Variants in TYMS observed in about 807,000 individuals in gnomAD.
TYMS encodes thymidylate synthase.
In TYMS, 21 loss-of-function variants were observed where a neutral mutation model predicts 39.3. That is an observed-to-expected ratio of 0.54 (90% CI 0.38 to 0.77). The LOEUF (loss-of-function observed/expected upper bound fraction) is 0.77. Among genes scored for constraint, TYMS ranks in the 30% least tolerant of loss-of-function variants. TYMS has a pLI of 0.00. For synonymous variants in TYMS, 171 were observed against 162.2 expected, an observed-to-expected ratio of 1.05 and a Z score of -0.41; for missense variants, 273 against 406.7, an observed-to-expected ratio of 0.67 and a Z score of 2.83.
intron 3 of TYMS, 21 bp downstream of exon 3, chr18:662,341 C>A: frequency 6.3e-7 from 1 of 1,578,902 alleles, no homozygotes; most frequent in Non-Finnish European, 8.6e-7. Context: ...AGAACAATGC[C>A]TTCCATTTCC....
rs1339336002 is a variant in TYMS at position 658,658 on chromosome 18, A to G, written c.205+711A>G. On this transcript the variant is annotated intron_variant, in intron 1 of 6. Transcript: ENST00000323274. The surrounding 1 kb of genome is among the most constrained non-coding windows in gnomAD (Gnocchi z 4.5). ...CAGTGGGGCGGGGCGGGGTGGGCACAGGACGTTAGGCAGCCGTTGGCCCTC... is the reference window on the plus strand; with the variant it reads ...CAGTGGGGCGGGGCGGGGTGGGCACGGGACGTTAGGCAGCCGTTGGCCCTC... 7 of 278,592 alleles carry G rather than the reference A, an allele frequency of 2.5e-5. No individual in the cohort carries two copies. Among genetic ancestry groups the G allele is most frequent in the Non-Finnish European group, 4.9e-5 (7 of 143,872 alleles). The allele number at this position is 278,592 out of a possible 1,614,324, so 17.3% of individuals were successfully genotyped here. A position where few individuals can be genotyped will look rare whatever the true frequency, so the allele number is the denominator to read the frequency against.
At chr18:667,131 AGATGGTGATGGTGATGGTGATGGT>A (rs1179372941) in intron 3 of TYMS, among the ~76,000 whole-genome samples, 1 of 34,742 alleles carries the variant, frequency 2.9e-5, no homozygotes, top group Non-Finnish European at 4.8e-5. Context: ...ATGGTGATGG[AGATGGTGATGGTGATGGTGATGGT>A]GATGGAGATG....
chr18:666,891 AGATGGTGATGGAGATGGTGATGGT>A lies in TYMS; in HGVS notation c.455-2175_455-2152del, dbSNP rs2074825985. 9.6e-5 allele frequency among the ~76,000 whole-genome samples: 6 copies of A among 62,186 alleles called. 1 individual carries two copies. Among genetic ancestry groups the A allele is most frequent in the African/African-American group, 5.6e-4 (6 of 10,694 alleles). 40.8% of individuals were successfully genotyped at this position (62,186 alleles called of 152,430 possible). A position where few individuals can be genotyped will look rare whatever the true frequency, so the allele number is the denominator to read the frequency against. On this transcript the variant is annotated intron_variant, in intron 3 of 6. Coordinates refer to ENST00000323274, the MANE Select transcript of TYMS (RefSeq NM_001071.4). ...GTTAGGGATGACGAAAAAGTTCGGG[AGATGGTGATGGAGATGGTGATGGT>A]GATGGAGATGGTGATGGTGATGGAG...
In TYMS at chr18:660,019, G is replaced by A. The variant is rs542331933; in HGVS notation, c.279+305G>A. ...CGAGGCGGAGGTTGTAGTGAGCTGA[G>A]ATCGTGGCACTGTACTCCAGCCTGG... On this transcript the variant is annotated intron_variant, in intron 2 of 6. Transcript: ENST00000323274. This position sits in a 1 kb window ranked among gnomAD's most constrained non-coding sequence, Gnocchi z 4.6. Among the ~76,000 whole-genome samples, 1 of 152,316 alleles carries A rather than the reference G, an allele frequency of 6.6e-6. No individual in the cohort carries two copies. The highest frequency in any genetic ancestry group is 2.1e-4 in the South Asian group (1 of 4,832).
At chr18:671,356 C>G in intron 5 of TYMS, 24 bp from the exon 6 acceptor site, 1 of 1,496,400 alleles carries the variant, frequency 6.7e-7, no homozygotes, top group Non-Finnish European at 9.3e-7. Context: ...ACATACTGTT[C>G]TGCTTTCTCC....
intron 3 of TYMS, among the ~76,000 whole-genome samples, chr18:667,549 ATGGAGATGGTGATGGTGATGGAGATGGT>A (rs1193597034): frequency 1.1e-5 from 1 of 87,016 alleles, no homozygotes; most frequent in East Asian, 4.6e-4. Context: ...GGTGATGGTG[ATGGAGATGGTGATGGTGATGGAGATGGT>A]GATGGTGATG....
chr18:669,047 T>C (rs1482237236), intron 3 of TYMS, 25 bp from the exon 4 acceptor site: 1 of 1,581,804 alleles, frequency 6.3e-7, no homozygotes, highest in African/African-American at 1.3e-5. Flanking sequence ...TATGTACCTG[T>C]CCTCTCTTTT....
chr18:660,916 G>T lies in TYMS; in HGVS notation c.279+1202G>T, dbSNP rs2074750084. On this transcript the variant is annotated intron_variant, in intron 2 of 6. Coordinates refer to ENST00000323274, the MANE Select transcript of TYMS (RefSeq NM_001071.4). This position sits in a 1 kb window ranked among gnomAD's most constrained non-coding sequence, Gnocchi z 4.6. ...GCCCTCTTATCCCATTTTAGAAAGG[G>T]CTTCAATTTGGATCCAGCCCCAGGT... 6.6e-6 allele frequency among the ~76,000 whole-genome samples: 1 copy of T among 152,156 alleles called. No individual in the cohort carries two copies. Among genetic ancestry groups the T allele is most frequent in the Non-Finnish European group, 1.5e-5 (1 of 68,030 alleles).
At chr18:666,999 AGATGGT>A (rs1176133296) in intron 3 of TYMS, among the ~76,000 whole-genome samples, 1 of 6,720 alleles carries the variant, frequency 1.5e-4, no homozygotes. Context: ...ATGGTGATGG[AGATGGT>A]GATGGTGATG....
intron 3 of TYMS, among the ~76,000 whole-genome samples, chr18:667,101 AGATGGAGATGGTGATGGTGATGGT>A (rs1567990010): frequency 3.3e-4 from 6 of 18,280 alleles, no homozygotes; most frequent in Non-Finnish European, 5.0e-4. Flanking sequence ...ATGGAGATGG[AGATGGAGATGGTGATGGTGATGGT>A]GATGGAGATG....
At position 658,328 on chromosome 18, in the gene TYMS, T is replaced by C. The variant is rs2074715678; in HGVS notation, c.205+381T>C. On this transcript the variant is annotated intron_variant, in intron 1 of 6. Transcript: ENST00000323274. The surrounding 1 kb of genome is among the most constrained non-coding windows in gnomAD (Gnocchi z 4.5). ...CGCGCCGGTCTCAAAGTCCTGGCTT[T>C]GGCCCCTCCTCCGTTTTCCCCTGTG... 3 of 1,358,216 alleles carry C rather than the reference T, an allele frequency of 2.2e-6. No homozygotes were observed. The South Asian group carries it at 3.7e-5, about 17-fold the overall frequency. The allele number at this position is 1,358,216 out of a possible 1,614,324, so 84.1% of individuals were successfully genotyped here.
chr18:667,151 ATGGTGATGGAGATGGT>A (rs1567990098), intron 3 of TYMS, among the ~76,000 whole-genome samples: 2 of 99,734 alleles, frequency 2.0e-5, no homozygotes, highest in Admixed American at 1.8e-4. Flanking sequence ...GGTGATGGTG[ATGGTGATGGAGATGGT>A]GATGGTGATG....
intron 3 of TYMS, chr18:667,620 T>TGATGGA (rs2074884491): frequency 1.5e-5 from 2 of 129,166 alleles, no homozygotes; most frequent in East Asian, 2.1e-4. Flanking sequence ...TGGAGATGGG[T>TGATGGA]GATGGTGATG....
At chr18:667,011 TGATGGAGATGGAGATGGTGATGGA>T (rs1567989804) in intron 3 of TYMS, among the ~76,000 whole-genome samples, 614 of 5,872 alleles carry the variant, frequency 0.1, 136 homozygotes, top group Non-Finnish European at 0.15. Context: ...ATGGTGATGG[TGATGGAGATGGAGATGGTGATGGA>T]GATGGTGATG....
intron 6 of TYMS, 138 bp from the exon 7 acceptor site, chr18:672,722 G>GCAAGGT: frequency 1.1e-6 from 1 of 937,776 alleles, no homozygotes. Flanking sequence ...ATAACCTACG[G>GCAAGGT]CAAGGTATCG....
At chr18:668,647 C>T (rs781705541) in intron 3 of TYMS, among the ~76,000 whole-genome samples, 1 of 152,156 alleles carries the variant, frequency 6.6e-6, no homozygotes, top group Non-Finnish European at 1.5e-5. Flanking sequence ...ACATAAGATA[C>T]AACACTCTCT....
intron 3 of TYMS, among the ~76,000 whole-genome samples, chr18:665,049 G>T (rs1329000951): frequency 1.3e-5 from 2 of 151,978 alleles, no homozygotes; most frequent in African/African-American, 4.8e-5. Flanking sequence ...AGTTAGGGAG[G>T]ATTCCCTCTT....
Position 660,200 on chromosome 18 carries a change from G to A in TYMS, c.279+486G>A, listed in dbSNP as rs941562132. ...TTTTTCAGCTCTGACCTTAGCTGCT[G>A]CTCTCTGCACCAGCCCTGCTGTTCT... is the stretch of plus-strand genomic sequence containing the variant. On this transcript the variant is annotated intron_variant, in intron 2 of 6. Transcript: ENST00000323274. This position sits in a 1 kb window ranked among gnomAD's most constrained non-coding sequence, Gnocchi z 4.6. Among the ~76,000 whole-genome samples the A allele has an allele frequency of 7.9e-5, 12 of 152,204 alleles. No homozygotes were observed. The highest frequency in any genetic ancestry group is 1.3e-4 in the Non-Finnish European group (9 of 68,038).
Position 667,442 on chromosome 18 carries a change from T to A in TYMS, c.455-1630T>A, listed in dbSNP as rs200468072. The stretch of plus-strand genomic sequence containing the variant: ...GTGATGGTGATGGAGATGGTGATGG[T>A]GATGGTGATGGTGATGATGGAGATG... On this transcript the variant is annotated intron_variant, in intron 3 of 6. Transcript: ENST00000323274. Among the ~76,000 whole-genome samples, 5 of 1,152 alleles carry A rather than the reference T, an allele frequency of 4.3e-3. 1 individual carries two copies. Among genetic ancestry groups the A allele is most frequent in the Non-Finnish European group, 6.0e-3 (4 of 664 alleles). 0.8% of individuals were successfully genotyped at this position (1,152 alleles called of 152,430 possible).
Sources: allele counts gnomAD v4.1 joint callset (sites outside exome capture counted in the v4.1 genomes callset), GRCh38; gene constraint gnomAD v4.1.1; non-coding constraint Gnocchi (gnomAD v3.1); transcripts MANE v1.5; gene names NCBI Gene and HGNC (gene_info 2026-07-23, HGNC 2026-07-21).